PTBP3: variants seen among roughly 807,000 people sequenced by gnomAD.
The protein encoded by PTBP3 is polypyrimidine tract binding protein 3.
Under a neutral mutation model 58.7 loss-of-function variants are expected in PTBP3, and 20 were observed. The observed-to-expected ratio is 0.34, with a 90% confidence interval of 0.24 to 0.50. PTBP3 has a LOEUF of 0.50. Among genes scored for constraint, PTBP3 ranks in the 20% least tolerant of loss-of-function variants. The pLI is 0.98. For missense variants in PTBP3, 509 were observed against 637.2 expected (o/e 0.80, Z 2.17); for synonymous variants, 185 against 219.8 (o/e 0.84, Z 1.40).
At chr9:112,302,662 C>G (rs1038867276) in intron 1 of PTBP3, among the ~76,000 whole-genome samples, 2 of 139,278 alleles carry the variant, frequency 1.4e-5, no homozygotes, top group Non-Finnish European at 3.0e-5. Flanking sequence ...GATCTTAGCT[C>G]ACTGCAACCT....
chr9:112,375,114 C>T, the PTBP3 span, among the ~76,000 whole-genome samples: 1 of 152,102 alleles, frequency 6.6e-6, no homozygotes, highest in South Asian at 2.1e-4. Context: ...TGAGTGGTGT[C>T]CACAGAACGA....
chr9:112,221,281 TCA>T lies in PTBP3; in HGVS notation c.*2568_*2569del, dbSNP rs148934435. 2.0e-5 allele frequency: 20 copies of T among 977,948 alleles called. No individual in the cohort carries two copies. The highest frequency in any genetic ancestry group is 1.8e-4 in the African/African-American group (10 of 56,830). 60.6% of individuals were successfully genotyped at this position (977,948 alleles called of 1,614,324 possible). A position where few individuals can be genotyped will look rare whatever the true frequency, so the allele number is the denominator to read the frequency against. ...TACACTTATCTACACACACACACAT[TCA>T]CACACACACACAAACACACCCCTAC... On this transcript the variant is annotated 3_prime_UTR_variant, in exon 14 of 14. Coordinates refer to ENST00000374257, the MANE Select transcript of PTBP3 (RefSeq NM_001163788.4).
chr9:112,345,514 C>T, the PTBP3 span, among the ~76,000 whole-genome samples: 55,758 of 150,956 alleles, frequency 0.37, 10,517 homozygotes, highest in South Asian at 0.44. Context: ...TAGCTGGGAC[C>T]GCAGGAGCAC....
intron 5 of PTBP3, among the ~76,000 whole-genome samples, 175 bp downstream of exon 5, chr9:112,262,254 TAGAAAA>T (rs1359847195): frequency 6.6e-6 from 1 of 152,062 alleles, no homozygotes; most frequent in Non-Finnish European, 1.5e-5. Flanking sequence ...GTATTCAAGT[TAGAAAA>T]AGGAGGCTGT....
rs1412922507 is a variant in PTBP3 at position 112,222,141 on chromosome 9, T to C, written c.*1710A>G. ...TCTTTTAAAAGTTGAGATGAGACAC[T>C]TTGAGAATCTGAAAAGTGTAAAAGG... On this transcript the variant is annotated 3_prime_UTR_variant, in exon 14 of 14. Coordinates refer to ENST00000374257, the MANE Select transcript of PTBP3 (RefSeq NM_001163788.4). 2.0e-6 allele frequency: 2 copies of C among 985,714 alleles called. No individual in the cohort carries two copies. Among genetic ancestry groups the C allele is most frequent in the Admixed American group, 6.2e-5 (1 of 16,260 alleles). 61.1% of individuals were successfully genotyped at this position (985,714 alleles called of 1,614,324 possible). A position where few individuals can be genotyped will look rare whatever the true frequency, so the allele number is the denominator to read the frequency against.
chr9:112,268,730 A>T (rs1361758948), intron 3 of PTBP3, among the ~76,000 whole-genome samples: 13 of 151,810 alleles, frequency 8.6e-5, no homozygotes, highest in Admixed American at 8.5e-4. Context: ...AAAAAAAAAA[A>T]AAAAAGGATT....
At chr9:112,304,546 A>C (rs1032878264) in intron 1 of PTBP3, among the ~76,000 whole-genome samples, 3 of 152,118 alleles carry the variant, frequency 2.0e-5, no homozygotes, top group Admixed American at 2.0e-4. Context: ...AGCTTTCTCC[A>C]TGTTGTTAGT....
chr9:112,329,789 T>C (rs1304665933), intron 1 of PTBP3, among the ~76,000 whole-genome samples: 1 of 149,626 alleles, frequency 6.7e-6, no homozygotes, highest in Non-Finnish European at 1.5e-5. Flanking sequence ...AGCACATCCA[T>C]GAAAGAGGAT....
At chr9:112,376,689 G>A in the PTBP3 span, among the ~76,000 whole-genome samples, 1 of 152,142 alleles carries the variant, frequency 6.6e-6, no homozygotes, top group Non-Finnish European at 1.5e-5. Flanking sequence ...AAACGCACAG[G>A]AGAAGGATGT....
In PTBP3 at chr9:112,297,116, G is replaced by T. The variant is rs540968206; in HGVS notation, c.34+716C>A. 2.1e-4 allele frequency among the ~76,000 whole-genome samples: 32 copies of T among 152,042 alleles called. No individual in the cohort carries two copies. The South Asian group carries it at 2.3e-3, about 11-fold the overall frequency. On this transcript the variant is annotated intron_variant, in intron 2 of 13. Coordinates refer to ENST00000374257, the MANE Select transcript of PTBP3 (RefSeq NM_001163788.4). ...TCAAGAACATTTATTTTAAAATCAC[G>T]TGGTACCTTATGGTACGTAAATTAC... is the stretch of plus-strand genomic sequence containing the variant.
chr9:112,241,102 T>A (rs1008887483), intron 7 of PTBP3, among the ~76,000 whole-genome samples: 2 of 152,142 alleles, frequency 1.3e-5, no homozygotes, highest in East Asian at 3.8e-4. Context: ...TGTTTGTTTT[T>A]TATTTTATTA....
chr9:112,355,576 G>T, the PTBP3 span, among the ~76,000 whole-genome samples: 1 of 151,328 alleles, frequency 6.6e-6, no homozygotes, highest in East Asian at 1.9e-4. Flanking sequence ...TAAGCATATG[G>T]CTTTCATCAT....
chr9:112,287,172 GT>G (rs1454231453), intron 2 of PTBP3, among the ~76,000 whole-genome samples: 3 of 113,234 alleles, frequency 2.6e-5, no homozygotes, highest in African/African-American at 1.1e-4. Context: ...TGATAAGTGG[GT>G]TTATGTTTTC....
chr9:112,312,701 T>C (rs960477400), intron 1 of PTBP3, among the ~76,000 whole-genome samples: 9 of 151,816 alleles, frequency 5.9e-5, no homozygotes, highest in African/African-American at 2.2e-4. Context: ...TAAAAAATAA[T>C]AATAAATCAA....
the PTBP3 span, among the ~76,000 whole-genome samples, chr9:112,356,796 GCACACA>G: frequency 0.039 from 2,467 of 62,516 alleles, 44 homozygotes; most frequent in South Asian, 0.19. Flanking sequence ...TTGCGTGTGC[GCACACA>G]CACACACACA....
At chr9:112,285,814 G>C (rs1828088025) in intron 2 of PTBP3, among the ~76,000 whole-genome samples, 1 of 152,180 alleles carries the variant, frequency 6.6e-6, no homozygotes, top group South Asian at 2.1e-4. Context: ...GCAATGGGAT[G>C]GATTTGGCCC....
the PTBP3 span, among the ~76,000 whole-genome samples, chr9:112,379,568 C>A: frequency 6.6e-6 from 1 of 152,354 alleles, no homozygotes; most frequent in South Asian, 2.1e-4. Flanking sequence ...TGGCTTGGGT[C>A]CAGATTCGGC....
At chr9:112,378,141 C>T in the PTBP3 span, among the ~76,000 whole-genome samples, 1 of 152,286 alleles carries the variant, frequency 6.6e-6, no homozygotes, top group Non-Finnish European at 1.5e-5. Context: ...TAGCATTAAT[C>T]TAACACTAGG....
At chr9:112,364,177 C>CTT in the PTBP3 span, among the ~76,000 whole-genome samples, 20 of 73,530 alleles carry the variant, frequency 2.7e-4, 2 homozygotes, top group Non-Finnish European at 3.3e-4. Context: ...TAGGTCAGTT[C>CTT]TTTTTTTTTT....
Sources: allele counts gnomAD v4.1 joint callset (sites outside exome capture counted in the v4.1 genomes callset), GRCh38; gene constraint gnomAD v4.1.1; transcripts MANE v1.5; gene names NCBI Gene and HGNC (gene_info 2026-07-23, HGNC 2026-07-21).